The following PDZRN3 variants were observed in gnomAD, a reference collection of about 807,000 sequenced individuals.
The protein encoded by PDZRN3 is E3 ubiquitin-protein ligase PDZRN3.
In PDZRN3, 38 loss-of-function variants were observed where a neutral mutation model predicts 85.7. The observed-to-expected ratio is 0.44, with a 90% CI of 0.34 to 0.58. The LOEUF is 0.58. Among genes scored for constraint, PDZRN3 ranks in the 20% least tolerant of loss-of-function variants. The probability of loss-of-function intolerance (pLI) is 0.01; values close to 1 mark genes in which losing one functional copy is unlikely to be tolerated. For synonymous variants in PDZRN3, 759 were observed against 638.0 expected (o/e 1.19, Z -2.86); for missense variants, 1,629 against 1,506.4 (o/e 1.08, Z -1.35).
rs1291179559 is a variant in PDZRN3 at position 73,624,465 on chromosome 3, G to A, written c.361C>T (p.Leu121=). 19 of 1,381,874 alleles carry A rather than the reference G, an allele frequency of 1.4e-5. No homozygotes were observed. The highest frequency in any genetic ancestry group is 3.1e-5 in the East Asian group (1 of 32,350). The allele number at this position is 1,381,874 out of a possible 1,614,324, so 85.6% of individuals were successfully genotyped here. ...RCRHAGCGQV[L]LRRDVEAHMR... ...TGCGCCTCCACGTCGCGCCGCAGCA[G>A]CACCTGGCCGCAACCCGCGTGGCGA... The change falls in exon 1 of 10, where the codon CTG becomes TTG. Residue 121 remains leucine, a synonymous_variant. Coordinates refer to ENST00000263666, the MANE Select transcript of PDZRN3 (RefSeq NM_015009.3).
At chr3:73,518,461 G>A (rs1704292932) in intron 3 of PDZRN3, among the ~76,000 whole-genome samples, 2 of 152,116 alleles carry the variant, frequency 1.3e-5, no homozygotes, top group Admixed American at 1.3e-4. Context: ...TGCACTTAAT[G>A]CCACTGAATT....
chr3:73,618,837 A>T (rs960458558), intron 1 of PDZRN3, among the ~76,000 whole-genome samples: 7 of 152,224 alleles, frequency 4.6e-5, no homozygotes, highest in Non-Finnish European at 8.8e-5. Context: ...ACAGAAATGA[A>T]ATAGAAGTGA....
chr3:73,621,874 T>C (rs1702868910), intron 1 of PDZRN3: 1 of 152,188 alleles, frequency 6.6e-6, no homozygotes, highest in South Asian at 2.1e-4. Context: ...CTCAAAAACA[T>C]CCACAGTTTT....
Position 73,416,876 on chromosome 3 carries a change from G to GTTTTTTTTTTTTTTTTTTTTTTTTTT in PDZRN3, c.919-12507_919-12482dup, listed in dbSNP as rs146381615. Among the ~76,000 whole-genome samples the GTTTTTTTTTTTTTTTTTTTTTTTTTT allele has an allele frequency of 4.0e-4, 44 of 110,394 alleles. 3 individuals are homozygous for GTTTTTTTTTTTTTTTTTTTTTTTTTT. Among genetic ancestry groups the GTTTTTTTTTTTTTTTTTTTTTTTTTT allele is most frequent in the Non-Finnish European group, 6.4e-4 (35 of 54,924 alleles). The allele number at this position is 110,394 out of a possible 152,430, so 72.4% of individuals were successfully genotyped here. On this transcript the variant is annotated intron_variant, in intron 3 of 9. Coordinates refer to ENST00000263666, the MANE Select transcript of PDZRN3 (RefSeq NM_015009.3). ...TTTTTTTTTTGTTTGTTTTTTTTTGGTTTTTTTTTTTTTTTTTTTTTTTTT... is the reference window on the plus strand; with the variant it reads ...TTTTTTTTTTGTTTGTTTTTTTTTGGTTTTTTTTTTTTTTTTTTTTTTTTTTTTTTTTTTTTTTTTTTTTTTTTTTT...
intron 3 of PDZRN3, among the ~76,000 whole-genome samples, chr3:73,478,147 T>C (rs1703495217): frequency 6.6e-6 from 1 of 152,164 alleles, no homozygotes; most frequent in East Asian, 1.9e-4. Context: ...TGAATCTGTA[T>C]AGAACTGTGA....
intron 3 of PDZRN3, among the ~76,000 whole-genome samples, chr3:73,418,543 C>G (rs1387787931): frequency 6.6e-6 from 1 of 152,188 alleles, no homozygotes; most frequent in Admixed American, 6.5e-5. Context: ...TTACACCCTT[C>G]TGAATTATTT....
intron 2 of PDZRN3, among the ~76,000 whole-genome samples, chr3:73,604,881 G>T (rs4132538): frequency 0.35 from 52,803 of 152,012 alleles, 13,840 homozygotes; most frequent in African/African-American, 0.74. Flanking sequence ...CACCAGCAGT[G>T]AGATTAAACT....
At chr3:73,615,676 T>C (rs548545413) in intron 1 of PDZRN3, among the ~76,000 whole-genome samples, 6 of 152,206 alleles carry the variant, frequency 3.9e-5, no homozygotes, top group African/African-American at 9.6e-5. Flanking sequence ...TAGGGGTTCC[T>C]AGCCTCCAAA....
chr3:73,527,662 G>A (rs998225936), intron 3 of PDZRN3, among the ~76,000 whole-genome samples: 2 of 152,036 alleles, frequency 1.3e-5, no homozygotes, highest in African/African-American at 4.8e-5. Flanking sequence ...AGGGAAAGTG[G>A]CTGTCTTTCT....
intron 3 of PDZRN3, among the ~76,000 whole-genome samples, chr3:73,450,011 G>A (rs1041898872): frequency 2.6e-5 from 4 of 152,118 alleles, no homozygotes; most frequent in South Asian, 4.2e-4. Flanking sequence ...TGATGAGAAG[G>A]GTCCTTAGGA....
chr3:73,434,962 T>C (rs1202492962), intron 3 of PDZRN3, among the ~76,000 whole-genome samples: 1 of 152,198 alleles, frequency 6.6e-6, no homozygotes, highest in African/African-American at 2.4e-5. Flanking sequence ...ACAGGTACCT[T>C]TTTCTCAACG....
intron 3 of PDZRN3, among the ~76,000 whole-genome samples, chr3:73,591,548 C>T (rs1418479505): frequency 6.6e-6 from 1 of 152,080 alleles, no homozygotes; most frequent in African/African-American, 2.4e-5. Context: ...TGTCATATAG[C>T]CGTCATCAAA....
At chr3:73,616,825 C>A (rs1702769851) in intron 1 of PDZRN3, among the ~76,000 whole-genome samples, 1 of 152,144 alleles carries the variant, frequency 6.6e-6, no homozygotes, top group Non-Finnish European at 1.5e-5. Flanking sequence ...ATTATGATCC[C>A]ATTTTAGAGG....
At chr3:73,482,601 C>T (rs1480622255) in intron 3 of PDZRN3, among the ~76,000 whole-genome samples, 2 of 152,032 alleles carry the variant, frequency 1.3e-5, no homozygotes, top group Non-Finnish European at 2.9e-5. Flanking sequence ...CATCATGTAC[C>T]CCAAAGGTGG....
At chr3:73,460,849 A>G (rs1372283401) in intron 3 of PDZRN3, among the ~76,000 whole-genome samples, 1 of 152,054 alleles carries the variant, frequency 6.6e-6, no homozygotes, top group African/African-American at 2.4e-5. Context: ...GCTGTAGTGC[A>G]GTGGCACAAT....
chr3:73,425,613 A>AT (rs1702298360), intron 3 of PDZRN3, among the ~76,000 whole-genome samples: 1 of 148,152 alleles, frequency 6.7e-6, no homozygotes, highest in Non-Finnish European at 1.5e-5. Flanking sequence ...AAAAAAAAAA[A>AT]GAGAATCCCC....
intron 1 of PDZRN3, among the ~76,000 whole-genome samples, chr3:73,611,466 AG>A (rs1304664912): frequency 6.6e-6 from 1 of 152,220 alleles, no homozygotes; most frequent in African/African-American, 2.4e-5. Context: ...AATGCTGGGG[AG>A]AAACAAGGGT....
At chr3:73,545,271 G>GCTTTAAT (rs1215438589) in intron 3 of PDZRN3, among the ~76,000 whole-genome samples, 5 of 152,108 alleles carry the variant, frequency 3.3e-5, no homozygotes, top group Non-Finnish European at 7.3e-5. Flanking sequence ...AGCCTCCATA[G>GCTTTAAT]GTGATAATAA....
chr3:73,418,529 G>T (rs1702137383), intron 3 of PDZRN3, among the ~76,000 whole-genome samples: 1 of 152,066 alleles, frequency 6.6e-6, no homozygotes, highest in African/African-American at 2.4e-5. Context: ...CACTAGACTG[G>T]TACTTACACC....
Sources: allele counts gnomAD v4.1 joint callset (sites outside exome capture counted in the v4.1 genomes callset), GRCh38; gene constraint gnomAD v4.1.1; transcripts MANE v1.5; gene names NCBI Gene and HGNC (gene_info 2026-07-23, HGNC 2026-07-21).